Variants in KIF25 observed in about 807,000 individuals in gnomAD.
The protein encoded by KIF25 is kinesin family member 25.
Under a neutral mutation model 32.9 loss-of-function variants are expected in KIF25, and 19 were observed. The observed-to-expected ratio is 0.58, with a 90% CI of 0.40 to 0.85. The LOEUF is 0.85. Among genes scored for constraint, KIF25 ranks in the 40% least tolerant of loss-of-function variants. The probability of loss-of-function intolerance (pLI) is 0.00; values close to 1 mark genes in which losing one functional copy is unlikely to be tolerated. For missense variants in KIF25, 485 were observed against 507.0 expected (o/e 0.96, Z 0.42); for synonymous variants, 225 against 213.7 (o/e 1.05, Z -0.46).
chr6:168,027,885 C>T (rs1488345411), intron 5 of KIF25, among the ~76,000 whole-genome samples: 2 of 152,210 alleles, frequency 1.3e-5, no homozygotes, highest in Non-Finnish European at 2.9e-5. Context: ...CCTTTCCCTT[C>T]TCTATCTCTA....
At chr6:168,009,099 A>G (rs1389687657) in intron 4 of KIF25, among the ~76,000 whole-genome samples, 1 of 152,074 alleles carries the variant, frequency 6.6e-6, no homozygotes, top group African/African-American at 2.4e-5. Flanking sequence ...TATGACTAGG[A>G]CTTCCAATAC....
chr6:168,007,025 G>A (rs1050661236), intron 4 of KIF25, among the ~76,000 whole-genome samples: 3 of 152,036 alleles, frequency 2.0e-5, no homozygotes, highest in Non-Finnish European at 4.4e-5. Flanking sequence ...AGGTAAAATC[G>A]ACAAAAATTG....
At chr6:168,019,028 G>A (rs181244743) in intron 5 of KIF25, among the ~76,000 whole-genome samples, 2 of 152,334 alleles carry the variant, frequency 1.3e-5, no homozygotes, top group Admixed American at 1.3e-4. Context: ...GAAATACCTC[G>A]TGATACACAA....
rs541370845 is a variant in KIF25 at position 168,004,794 on chromosome 6, C to T, written c.-163+1091C>T. Among the ~76,000 whole-genome samples, 6 of 152,292 alleles carry T rather than the reference C, an allele frequency of 3.9e-5. No homozygotes were observed. The South Asian group carries it at 6.2e-4, about 16-fold the overall frequency. On this transcript the variant is annotated intron_variant, in intron 4 of 12. Transcript: ENST00000643607. ...GGTTGCCTCAAACCCTCTAAGCACT[C>T]GCAGCTTCCCTGAAGTTGGGATGCA...
At chr6:168,041,858 T>C in intron 10 of KIF25, 111 bp from the exon 11 acceptor site, 3 of 995,826 alleles carry the variant, frequency 3.0e-6, no homozygotes, top group Non-Finnish European at 2.9e-6. Flanking sequence ...GGGTGGGAGG[T>C]GTGGGCAGGA....
intron 9 of KIF25, among the ~76,000 whole-genome samples, chr6:168,039,435 G>T (rs1256520174): frequency 6.6e-6 from 1 of 152,236 alleles, no homozygotes; most frequent in Non-Finnish European, 1.5e-5. Context: ...CCCAGTGGGG[G>T]TGCAGCTGGG....
rs1457996952 is a variant in KIF25, at chr6:167,998,518, GAGA to G, written c.-947_-945del. On this transcript the variant is annotated 5_prime_UTR_variant, in exon 1 of 13. The change creates a new upstream start codon in the 5' untranslated region. Transcript: ENST00000643607. ...ATTTGGCAAGTTCTGAGCACATACG[GAGA>G]AGATGTGTTGCTCACTGGAAACCAG... is the stretch of plus-strand genomic sequence containing the variant. The G allele has an allele frequency of 2.0e-5, 3 of 152,196 alleles. No homozygotes were observed. Among genetic ancestry groups the G allele is most frequent in the Non-Finnish European group, 4.4e-5 (3 of 68,042 alleles). 9.4% of individuals were successfully genotyped at this position (152,196 alleles called of 1,614,324 possible).
At chr6:167,999,665 T>C (rs1052836200) in intron 2 of KIF25, among the ~76,000 whole-genome samples, 6 of 152,172 alleles carry the variant, frequency 3.9e-5, no homozygotes, top group Non-Finnish European at 7.4e-5. Context: ...TATGTCACTA[T>C]ATCAAAAAGG....
chr6:168,008,417 C>T (rs1798605586), intron 4 of KIF25, among the ~76,000 whole-genome samples: 1 of 152,188 alleles, frequency 6.6e-6, no homozygotes, highest in Non-Finnish European at 1.5e-5. Context: ...GTTCTCTATT[C>T]TGTTCCACTG....
intron 4 of KIF25, among the ~76,000 whole-genome samples, chr6:168,016,293 A>G (rs73040838): frequency 0.019 from 2,897 of 152,312 alleles, 28 homozygotes; most frequent in Non-Finnish European, 0.029. Flanking sequence ...AGGTTCCGAA[A>G]CAGTTTCTGG....
chr6:168,018,849 G>A (rs1798750715), intron 5 of KIF25, among the ~76,000 whole-genome samples: 1 of 152,226 alleles, frequency 6.6e-6, no homozygotes, highest in African/African-American at 2.4e-5. Context: ...GCTCGATAGG[G>A]TCACATCTGG....
intron 2 of KIF25, among the ~76,000 whole-genome samples, chr6:167,999,551 G>A (rs959746414): frequency 5.9e-5 from 9 of 152,208 alleles, no homozygotes; most frequent in East Asian, 3.9e-4. Context: ...CAGGCCTCTC[G>A]TGCGTGGTAG....
At chr6:168,033,561 A>C (rs1044436843) in intron 7 of KIF25, among the ~76,000 whole-genome samples, 3 of 151,976 alleles carry the variant, frequency 2.0e-5, no homozygotes, top group African/African-American at 7.3e-5. Context: ...AGGCCTTGCT[A>C]AGGTCAGAAT....
chr6:168,027,369 G>A lies in KIF25; in HGVS notation c.-94-2123G>A, dbSNP rs990006207. 1.7e-4 allele frequency among the ~76,000 whole-genome samples: 25 copies of A among 148,176 alleles called. No homozygotes were observed. In the East Asian group the frequency reaches 4.2e-3, roughly 25 times the overall value. On this transcript the variant is annotated intron_variant, in intron 5 of 12. Transcript: ENST00000643607. ...TTGAGAGGCTGAGGCAGGGAGAATC[G>A]ATTGAACCAAGGAGACAGAGGTTGC... is the stretch of plus-strand genomic sequence containing the variant.
At chr6:168,037,949 C>T (rs1440232161) in intron 8 of KIF25, among the ~76,000 whole-genome samples, 2 of 152,130 alleles carry the variant, frequency 1.3e-5, no homozygotes, top group Non-Finnish European at 2.9e-5. Context: ...CTCTTGACCT[C>T]ATGATCCACC....
intron 4 of KIF25, among the ~76,000 whole-genome samples, chr6:168,005,118 G>T (rs1327774971): frequency 6.6e-6 from 1 of 151,860 alleles, no homozygotes; most frequent in African/African-American, 2.4e-5. Context: ...AGCTTGGCGT[G>T]CACGAGCCGA....
At chr6:168,002,261 G>A (rs1207551791) in intron 2 of KIF25, among the ~76,000 whole-genome samples, 1 of 116,340 alleles carries the variant, frequency 8.6e-6, no homozygotes, top group African/African-American at 3.4e-5. Context: ...GCATGGCCTC[G>A]GGCAGGTGAG....
intron 2 of KIF25, among the ~76,000 whole-genome samples, chr6:168,000,252 G>A (rs1275917538): frequency 1.5e-4 from 7 of 46,312 alleles, no homozygotes; most frequent in Admixed American, 3.3e-4. Context: ...TCCCGACCAC[G>A]CCTGACCTTC....
intron 8 of KIF25, among the ~76,000 whole-genome samples, chr6:168,035,347 A>C (rs926421725): frequency 1.5e-5 from 2 of 134,972 alleles, no homozygotes; most frequent in Non-Finnish European, 3.2e-5. Flanking sequence ...GGCGTCGTAC[A>C]TTCCACGGCT....
Sources: gnomAD v4.1 joint callset for allele counts (sites outside exome capture counted in the v4.1 genomes callset) on GRCh38, gnomAD v4.1.1 for gene constraint, MANE v1.5 for transcripts, NCBI Gene and HGNC (gene_info 2026-07-23, HGNC 2026-07-21) for gene names.